Variants in PPP6R3 observed in about 807,000 individuals in gnomAD.
PPP6R3 encodes serine/threonine-protein phosphatase 6 regulatory subunit 3.
In PPP6R3, 38 loss-of-function variants were observed where a neutral mutation model predicts 110.7. The ratio of observed to expected loss-of-function variants is 0.34; its 90% CI spans 0.26 to 0.45. The LOEUF (loss-of-function observed/expected upper bound fraction) is 0.45. PPP6R3 is among the 20% of genes least tolerant of loss of function. The pLI, the probability that PPP6R3 is intolerant of heterozygous loss-of-function variation, is 1.00. For synonymous variants in PPP6R3, 369 were observed against 373.5 expected (o/e 0.99, Z 0.14); for missense variants, 870 against 1,062.4 (o/e 0.82, Z 2.52).
intron 1 of PPP6R3, among the ~76,000 whole-genome samples, chr11:68,510,413 C>T (rs1247349689): frequency 3.3e-5 from 5 of 151,956 alleles, no homozygotes; most frequent in Admixed American, 2.0e-4. Flanking sequence ...CACAGTTTAC[C>T]GTAGCCTCAA....
At chr11:68,564,159 C>A in intron 8 of PPP6R3, 144 bp from the exon 9 acceptor site, 1 of 805,442 alleles carries the variant, frequency 1.2e-6, no homozygotes, top group Non-Finnish European at 1.9e-6. Flanking sequence ...TAACCCTCTT[C>A]TGCCTCATTA....
At chr11:68,555,853 G>T (rs1281063475) in intron 7 of PPP6R3, among the ~76,000 whole-genome samples, 1 of 152,202 alleles carries the variant, frequency 6.6e-6, no homozygotes, top group Admixed American at 6.5e-5. Flanking sequence ...GCATTTAACA[G>T]TGGAAAGAAA....
intron 2 of PPP6R3, among the ~76,000 whole-genome samples, chr11:68,521,574 CAGGTGGTT>C (rs892080449): frequency 2.6e-5 from 4 of 152,084 alleles, no homozygotes; most frequent in Non-Finnish European, 4.4e-5. Flanking sequence ...GAATCAATGC[CAGGTGGTT>C]AGGAGGGTTC....
chr11:68,571,238 C>T, intron 12 of PPP6R3, 134 bp downstream of exon 12: 2 of 1,199,324 alleles, frequency 1.7e-6, no homozygotes, highest in Non-Finnish European at 2.2e-6. Context: ...AACTTTTCCC[C>T]AGATTATTTC....
chr11:68,614,853 T>C lies in PPP6R3; in HGVS notation c.*1736T>C, dbSNP rs1008191312. The C allele has an allele frequency of 4.6e-6, 5 of 1,095,034 alleles. No homozygotes were observed. The South Asian group carries it at 5.4e-5, about 12-fold the overall frequency. The allele number at this position is 1,095,034 out of a possible 1,614,324, so 67.8% of individuals were successfully genotyped here. A position where few individuals can be genotyped will look rare whatever the true frequency, so the allele number is the denominator to read the frequency against. Reference sequence around the variant, plus strand: ...TCAGGGCTGCCTGACTTGAATGGCGTTGGACCTCGGGGATTACTGGTAGAT... The same window carrying C: ...TCAGGGCTGCCTGACTTGAATGGCGCTGGACCTCGGGGATTACTGGTAGAT... On this transcript the variant is annotated 3_prime_UTR_variant, in exon 24 of 24. Coordinates refer to ENST00000393800, the MANE Select transcript of PPP6R3 (RefSeq NM_001164161.2).
At chr11:68,557,032 C>T (rs757965272) in intron 7 of PPP6R3, among the ~76,000 whole-genome samples, 1 of 152,222 alleles carries the variant, frequency 6.6e-6, no homozygotes, top group African/African-American at 2.4e-5. Context: ...TGAGTAAGAG[C>T]GCTATGGTTG....
chr11:68,578,532 A>T (rs192007160), intron 14 of PPP6R3, among the ~76,000 whole-genome samples: 5 of 152,224 alleles, frequency 3.3e-5, no homozygotes, highest in Non-Finnish European at 7.3e-5. Flanking sequence ...TATTCATAGA[A>T]GTGGAGTCAG....
In PPP6R3 at chr11:68,499,390, A is replaced by G. The variant is rs529827439; in HGVS notation, c.-157-20111A>G. The stretch of plus-strand genomic sequence containing the variant: ...GTGGGAGACCTCAGGTCGTTTTCAC[A>G]TCGGCTTTTGCCAGGGATGTCTGAG... On this transcript the variant is annotated intron_variant, in intron 1 of 23. Transcript: ENST00000393800. 5.9e-5 allele frequency among the ~76,000 whole-genome samples: 9 copies of G among 152,268 alleles called. No individual in the cohort carries two copies. The South Asian group carries it at 1.7e-3, about 28-fold the overall frequency.
intron 6 of PPP6R3, 112 bp from the exon 7 acceptor site, chr11:68,554,033 C>T (rs1012887219): frequency 2.6e-6 from 2 of 772,708 alleles, no homozygotes; most frequent in Non-Finnish European, 4.1e-6. Flanking sequence ...CGCACTGAAG[C>T]TTATGGCCAG....
intron 14 of PPP6R3, among the ~76,000 whole-genome samples, chr11:68,577,501 T>C (rs2153810488): frequency 6.6e-6 from 1 of 152,352 alleles, no homozygotes; most frequent in Non-Finnish European, 1.5e-5. Context: ...GGCTTAAAAG[T>C]TAGAAGTCAA....
At chr11:68,548,999 T>C (rs1189668459) in intron 5 of PPP6R3, among the ~76,000 whole-genome samples, 1 of 152,154 alleles carries the variant, frequency 6.6e-6, no homozygotes, top group African/African-American at 2.4e-5. Flanking sequence ...CAAGCAACTC[T>C]CTTGTCTCAG....
intron 2 of PPP6R3, among the ~76,000 whole-genome samples, chr11:68,522,967 C>T (rs192648209): frequency 1.3e-5 from 2 of 152,320 alleles, no homozygotes; most frequent in Admixed American, 6.5e-5. Flanking sequence ...GGGACTGCTA[C>T]CTTCATCACA....
intron 16 of PPP6R3, among the ~76,000 whole-genome samples, chr11:68,589,815 G>T (rs114074210): frequency 6.6e-6 from 1 of 152,230 alleles, no homozygotes; most frequent in Non-Finnish European, 1.5e-5. Context: ...TAAACATGCC[G>T]TATGGGCACA....
chr11:68,472,739 A>G (rs1186804900), intron 1 of PPP6R3, among the ~76,000 whole-genome samples: 3 of 152,164 alleles, frequency 2.0e-5, no homozygotes, highest in Admixed American at 6.5e-5. Flanking sequence ...TATCACCACA[A>G]TCTAACTTTG....
intron 18 of PPP6R3, among the ~76,000 whole-genome samples, chr11:68,593,635 G>A (rs1463559198): frequency 6.6e-6 from 1 of 152,224 alleles, no homozygotes; most frequent in Non-Finnish European, 1.5e-5. Flanking sequence ...ACAAAGGGCA[G>A]CCTGGACAAA....
chr11:68,558,289 G>C, intron 7 of PPP6R3: 1 of 208,602 alleles, frequency 4.8e-6, no homozygotes, highest in South Asian at 8.9e-5. Flanking sequence ...GTTGGCTCTC[G>C]ACAAAATTGG....
rs563097308 is a variant in PPP6R3, at chr11:68,574,347, T to C, written c.1459+123T>C. On this transcript the variant is annotated intron_variant, in intron 13 of 23. Transcript: ENST00000393800. Reference sequence around the variant, plus strand: ...GTGGGACTTCTTTATATTTGGCAAATTATGTATTTGAATGAGGTTCTTGAG... The same window carrying C: ...GTGGGACTTCTTTATATTTGGCAAACTATGTATTTGAATGAGGTTCTTGAG... The C allele has an allele frequency of 2.2e-3, 1,532 of 711,878 alleles. 7 individuals carry two copies. Among genetic ancestry groups the C allele is most frequent in the Middle Eastern group, 0.014 (48 of 3,388 alleles). 44.1% of individuals were successfully genotyped at this position (711,878 alleles called of 1,614,324 possible).
Position 68,614,892 on chromosome 11 carries a change from C to G in PPP6R3, c.*1775C>G, listed in dbSNP as rs1250230862. Reference sequence around the variant, plus strand: ...TTACTGGTAGATAATATGCTCTGGTCTCGCCTGGTGGTGAGTTTTGCCAGC... The same window carrying G: ...TTACTGGTAGATAATATGCTCTGGTGTCGCCTGGTGGTGAGTTTTGCCAGC... On this transcript the variant is annotated 3_prime_UTR_variant, in exon 24 of 24. Coordinates refer to ENST00000393800, the MANE Select transcript of PPP6R3 (RefSeq NM_001164161.2). 1 of 847,678 alleles carries G rather than the reference C, an allele frequency of 1.2e-6. No individual in the cohort carries two copies. The highest frequency in any genetic ancestry group is 1.4e-5 in the South Asian group (1 of 70,052). 52.5% of individuals were successfully genotyped at this position (847,678 alleles called of 1,614,324 possible).
intron 1 of PPP6R3, among the ~76,000 whole-genome samples, chr11:68,468,254 G>A (rs953630932): frequency 3.9e-5 from 6 of 152,188 alleles, no homozygotes; most frequent in Non-Finnish European, 7.3e-5. Flanking sequence ...AGTGGTTAAC[G>A]TCTGGAATTT....
Sources: gnomAD v4.1 joint callset for allele counts (sites outside exome capture counted in the v4.1 genomes callset) on GRCh38, gnomAD v4.1.1 for gene constraint, MANE v1.5 for transcripts, NCBI Gene and HGNC (gene_info 2026-07-23, HGNC 2026-07-21) for gene names.